TMEM132D: variants seen among roughly 807,000 people sequenced by gnomAD.
The protein encoded by TMEM132D is mature OL transmembrane protein.
In TMEM132D, 21 loss-of-function variants were observed where a neutral mutation model predicts 62.3. The observed-to-expected ratio is 0.34, with a 90% CI of 0.24 to 0.49. The LOEUF (loss-of-function observed/expected upper bound fraction) is 0.49, where lower values mean the gene tolerates loss of function less well. Among genes scored for constraint, TMEM132D ranks in the 20% least tolerant of loss-of-function variants. The pLI is 0.99. For missense variants in TMEM132D, 1,346 were observed against 1,402.8 expected, an observed-to-expected ratio of 0.96 and a Z score of 0.65; for synonymous variants, 621 against 575.6, an observed-to-expected ratio of 1.08 and a Z score of -1.13.
At chr12:129,665,635 G>C (rs1880358880) in intron 2 of TMEM132D, among the ~76,000 whole-genome samples, 1 of 151,998 alleles carries the variant, frequency 6.6e-6, no homozygotes, top group Non-Finnish European at 1.5e-5. Flanking sequence ...ATTTCATAAG[G>C]GTTTCTAGAC....
intron 1 of TMEM132D, among the ~76,000 whole-genome samples, chr12:129,878,433 A>T (rs1251165304): frequency 6.6e-6 from 1 of 152,220 alleles, no homozygotes; most frequent in African/African-American, 2.4e-5. Flanking sequence ...CCTGCAAGTT[A>T]CATCCCAAGG....
At chr12:129,864,781 T>G in intron 1 of TMEM132D, among the ~76,000 whole-genome samples, 1 of 152,240 alleles carries the variant, frequency 6.6e-6, no homozygotes, top group East Asian at 1.9e-4. Flanking sequence ...ATGTCTGTCA[T>G]TAGGTACTCA....
intron 1 of TMEM132D, among the ~76,000 whole-genome samples, chr12:129,878,107 C>T (rs1325750458): frequency 1.3e-5 from 2 of 152,138 alleles, no homozygotes; most frequent in Admixed American, 1.3e-4. Context: ...TTTATTTAAA[C>T]AATAAATGGC....
chr12:129,553,822 A>G (rs1042392270), intron 2 of TMEM132D, among the ~76,000 whole-genome samples: 3 of 152,082 alleles, frequency 2.0e-5, no homozygotes, highest in African/African-American at 7.2e-5. Flanking sequence ...CACAGACACA[A>G]CTCAGATTCT....
At chr12:129,182,236 C>T (rs1294039645) in intron 5 of TMEM132D, among the ~76,000 whole-genome samples, 2 of 152,174 alleles carry the variant, frequency 1.3e-5, no homozygotes, top group African/African-American at 4.8e-5. Context: ...CAGTGGTGCA[C>T]ACCTATAATC....
chr12:129,265,619 T>C (rs1221925014), intron 4 of TMEM132D, among the ~76,000 whole-genome samples: 1 of 151,916 alleles, frequency 6.6e-6, no homozygotes, highest in Non-Finnish European at 1.5e-5. Flanking sequence ...GATGCCACTC[T>C]CCTCTTCTCC....
At chr12:129,770,445 AT>A (rs1266597775) in intron 1 of TMEM132D, among the ~76,000 whole-genome samples, 1 of 152,148 alleles carries the variant, frequency 6.6e-6, no homozygotes. Context: ...CCTCCCCAGG[AT>A]TCTTTTGAGA....
chr12:129,771,426 T>C (rs985416570), intron 1 of TMEM132D, among the ~76,000 whole-genome samples: 7 of 152,184 alleles, frequency 4.6e-5, no homozygotes, highest in African/African-American at 1.4e-4. Context: ...GGCTCAGTAA[T>C]TGCCAGGTAA....
chr12:129,614,171 G>A (rs528137707), intron 2 of TMEM132D, among the ~76,000 whole-genome samples: 1 of 152,342 alleles, frequency 6.6e-6, no homozygotes, highest in African/African-American at 2.4e-5. Context: ...CCAGAACCCA[G>A]GGGACTGGCT....
rs372289826 is a variant in TMEM132D at position 129,556,898 on chromosome 12, A to T, written c.969-25693T>A. Among the ~76,000 whole-genome samples, 204 of 152,348 alleles carry T rather than the reference A, an allele frequency of 1.3e-3. 1 individual carries two copies. Among genetic ancestry groups the T allele is most frequent in the African/African-American group, 4.7e-3 (194 of 41,584 alleles). On this transcript the variant is annotated intron_variant, in intron 2 of 8. Coordinates refer to ENST00000422113, the MANE Select transcript of TMEM132D (RefSeq NM_133448.3). ...GAAATGCTCCAGAATAATTTTGACA[A>T]AACTTTGTATCCCCAGGCACATTTT...
At chr12:129,290,155 A>G (rs1185507323) in intron 4 of TMEM132D, among the ~76,000 whole-genome samples, 2 of 152,172 alleles carry the variant, frequency 1.3e-5, no homozygotes, top group Non-Finnish European at 2.9e-5. Context: ...CTTAAGCTCA[A>G]CTTATTTTAA....
rs202230008 is a variant in TMEM132D, at chr12:129,081,740, T to C, written c.1923+19A>G. The C allele has an allele frequency of 8.0e-5, 5 of 62,454 alleles. No individual in the cohort carries two copies. The highest frequency in any genetic ancestry group is 1.4e-4 in the Non-Finnish European group (5 of 34,866). 3.9% of individuals were successfully genotyped at this position (62,454 alleles called of 1,614,324 possible). On this transcript the variant is annotated intron_variant, in intron 7 of 8. Transcript: ENST00000422113. ...AGACAGAGAGATCTTGATTTGGGGA[T>C]TTTTTTTTTTTTTTTTACCTGAATG...
intron 2 of TMEM132D, among the ~76,000 whole-genome samples, chr12:129,675,304 A>G (rs912062422): frequency 1.3e-5 from 2 of 151,650 alleles, no homozygotes; most frequent in African/African-American, 2.4e-5. Context: ...GTTCTCACTC[A>G]TAAGTGGGAA....
chr12:129,273,004 T>C (rs944684462), intron 4 of TMEM132D, among the ~76,000 whole-genome samples: 3 of 151,812 alleles, frequency 2.0e-5, no homozygotes, highest in Non-Finnish European at 4.4e-5. Context: ...AAGACCACCC[T>C]GGCCAACACA....
At chr12:129,214,906 T>A (rs1879160737) in intron 4 of TMEM132D, among the ~76,000 whole-genome samples, 1 of 152,180 alleles carries the variant, frequency 6.6e-6, no homozygotes, top group Non-Finnish European at 1.5e-5. Flanking sequence ...GTGTGGTGAT[T>A]CCTTAAAGAG....
intron 3 of TMEM132D, among the ~76,000 whole-genome samples, chr12:129,374,270 A>AGAGAGAGAGAGAGAGT (rs1555251815): frequency 3.1e-4 from 1 of 3,236 alleles, no homozygotes; most frequent in African/African-American, 5.6e-4. Context: ...CTCACACATC[A>AGAGAGAGAGAGAGAGT]GAGAGAGAGA....
At chr12:129,514,884 C>T (rs373550651) in intron 3 of TMEM132D, among the ~76,000 whole-genome samples, 43 of 152,232 alleles carry the variant, frequency 2.8e-4, no homozygotes, top group African/African-American at 9.9e-4. Flanking sequence ...TAGAGTCCAG[C>T]GTAAGACAAT....
At chr12:129,622,348 C>G (rs539973494) in intron 2 of TMEM132D, among the ~76,000 whole-genome samples, 23 of 152,280 alleles carry the variant, frequency 1.5e-4, no homozygotes, top group African/African-American at 5.5e-4. Context: ...GGGCAGTCAG[C>G]ACGCAGGAGG....
At position 129,486,213 on chromosome 12, in the gene TMEM132D, G is replaced by C. The variant is rs561182470; in HGVS notation, c.1115+44846C>G. Among the ~76,000 whole-genome samples, 5 of 152,322 alleles carry C rather than the reference G, an allele frequency of 3.3e-5. No homozygotes were observed. The East Asian group carries it at 9.6e-4, about 29-fold the overall frequency. On this transcript the variant is annotated intron_variant, in intron 3 of 8. Transcript: ENST00000422113. ...GGAGGAGTGGAAGCTACAGCTGCCC[G>C]CTGCAGTCCCTTGCTACATCACACA...
Sources: gnomAD v4.1 joint callset for allele counts (sites outside exome capture counted in the v4.1 genomes callset) on GRCh38, gnomAD v4.1.1 for gene constraint, MANE v1.5 for transcripts, NCBI Gene and HGNC (gene_info 2026-07-23, HGNC 2026-07-21) for gene names.